Variants in CLVS1 observed in about 807,000 individuals in gnomAD.
CLVS1 encodes the protein clavesin-1.
In CLVS1, 10 loss-of-function variants were observed where a neutral mutation model predicts 33.1. The observed-to-expected ratio is 0.30, with a 90% CI of 0.19 to 0.51. The LOEUF is 0.51. Among genes scored for constraint, CLVS1 ranks in the 20% least tolerant of loss-of-function variants. CLVS1 has a pLI of 0.97. For synonymous variants in CLVS1, 163 were observed against 166.1 expected, an observed-to-expected ratio of 0.98 and a Z score of 0.14; for missense variants, 343 against 433.4, an observed-to-expected ratio of 0.79 and a Z score of 1.85.
chr8:60,967,395 A>C, the CLVS1 span, among the ~76,000 whole-genome samples: 1 of 152,334 alleles, frequency 6.6e-6, no homozygotes, highest in African/African-American at 2.4e-5. Context: ...CTGGAGAAAG[A>C]AGCTCTGCAC....
intron 3 of CLVS1, among the ~76,000 whole-genome samples, chr8:61,449,431 C>G (rs1187899996): frequency 6.6e-6 from 1 of 152,166 alleles, no homozygotes; most frequent in African/African-American, 2.4e-5. Context: ...TTCTGGCTCT[C>G]TACTTGGCCT....
At chr8:61,231,445 A>C (rs1808431440) in intron 2 of CLVS1, among the ~76,000 whole-genome samples, 1 of 152,188 alleles carries the variant, frequency 6.6e-6, no homozygotes, top group Non-Finnish European at 1.5e-5. Flanking sequence ...GTGTCAGGGT[A>C]GGTCTCTGTA....
the CLVS1 span, among the ~76,000 whole-genome samples, chr8:61,012,989 C>T: frequency 6.6e-6 from 1 of 152,156 alleles, no homozygotes; most frequent in East Asian, 1.9e-4. Context: ...TTGTCCTCTC[C>T]CTGACCTCTG....
chr8:61,339,495 G>A (rs1194732544), intron 2 of CLVS1, among the ~76,000 whole-genome samples: 1 of 152,196 alleles, frequency 6.6e-6, no homozygotes, highest in Non-Finnish European at 1.5e-5. Flanking sequence ...CTGGGCCTGT[G>A]AGCTGTCCTG....
chr8:61,344,973 T>C (rs1044689592), intron 2 of CLVS1, among the ~76,000 whole-genome samples: 3 of 152,206 alleles, frequency 2.0e-5, no homozygotes, highest in African/African-American at 7.2e-5. Context: ...TATATTTGTG[T>C]GACCTACTGT....
the CLVS1 span, among the ~76,000 whole-genome samples, chr8:60,990,494 A>G: frequency 4.6e-5 from 7 of 152,186 alleles, no homozygotes; most frequent in African/African-American, 1.7e-4. Context: ...GGGGATGGGC[A>G]AGGATCAAGA....
chr8:61,133,266 G>A (rs545162936), intron 2 of CLVS1, among the ~76,000 whole-genome samples: 2 of 152,286 alleles, frequency 1.3e-5, no homozygotes, highest in East Asian at 1.9e-4. Context: ...GGGCACAGAC[G>A]AGGGGGTCGT....
At chr8:61,359,647 T>G (rs1290259597) in intron 2 of CLVS1, among the ~76,000 whole-genome samples, 1 of 152,194 alleles carries the variant, frequency 6.6e-6, no homozygotes, top group African/African-American at 2.4e-5. Flanking sequence ...TGAGCCACCA[T>G]GCCTGGCCAG....
chr8:61,255,250 T>C (rs1809052786), intron 2 of CLVS1, among the ~76,000 whole-genome samples: 1 of 152,072 alleles, frequency 6.6e-6, no homozygotes. Context: ...TTGGGGTGAG[T>C]GCTTGAGGTG....
chr8:61,485,755 C>T (rs1803856349), intron 5 of CLVS1, among the ~76,000 whole-genome samples: 1 of 152,212 alleles, frequency 6.6e-6, no homozygotes, highest in Non-Finnish European at 1.5e-5. Context: ...CCATGGAATA[C>T]TATGCAGCCA....
At chr8:61,121,183 C>G (rs1805858893) in intron 1 of CLVS1, among the ~76,000 whole-genome samples, 1 of 152,024 alleles carries the variant, frequency 6.6e-6, no homozygotes. Flanking sequence ...AGGGAACTCC[C>G]TGACCCCTTG....
chr8:61,458,676 CA>C, intron 5 of CLVS1, 134 bp downstream of exon 5: 1 of 628,644 alleles, frequency 1.6e-6, no homozygotes, highest in East Asian at 2.8e-5. Context: ...AATGCATTCT[CA>C]GCTGATTTCA....
At chr8:61,357,501 T>TTTTTTTTTTTTTTTTTTTTTTTTTTC (rs1812781499) in intron 2 of CLVS1, among the ~76,000 whole-genome samples, 1 of 99,282 alleles carries the variant, frequency 1.0e-5, no homozygotes, top group Admixed American at 1.1e-4. Flanking sequence ...TTTCTTTTTT[T>TTTTTTTTTTTTTTTTTTTTTTTTTTC]TTTTTTTTTT....
At chr8:61,393,582 T>C (rs1814393204) in intron 3 of CLVS1, among the ~76,000 whole-genome samples, 1 of 152,174 alleles carries the variant, frequency 6.6e-6, no homozygotes, top group African/African-American at 2.4e-5. Context: ...CATATTCTTT[T>C]TTTCCCATGG....
intron 1 of CLVS1, among the ~76,000 whole-genome samples, chr8:61,294,555 T>G (rs547134172): frequency 2.0e-5 from 3 of 152,280 alleles, no homozygotes; most frequent in South Asian, 4.1e-4. Context: ...TTACCAACAT[T>G]ATTTCACAGA....
At chr8:61,307,485 G>A (rs1810671030) in intron 2 of CLVS1, among the ~76,000 whole-genome samples, 1 of 152,104 alleles carries the variant, frequency 6.6e-6, no homozygotes, top group South Asian at 2.1e-4. Context: ...TATGAGGAAG[G>A]ACCTCAGACT....
At chr8:61,195,187 A>G (rs1807577062) in intron 2 of CLVS1, among the ~76,000 whole-genome samples, 1 of 151,974 alleles carries the variant, frequency 6.6e-6, no homozygotes, top group Non-Finnish European at 1.5e-5. Flanking sequence ...AACAAGAGCA[A>G]AAATTAATAA....
At chr8:61,234,110 G>C (rs1314586269) in intron 2 of CLVS1, among the ~76,000 whole-genome samples, 3 of 152,114 alleles carry the variant, frequency 2.0e-5, no homozygotes, top group Non-Finnish European at 4.4e-5. Flanking sequence ...TAGGAGGGTA[G>C]GGGGGCCAGC....
At chr8:60,985,028 A>G in the CLVS1 span, among the ~76,000 whole-genome samples, 17 of 152,302 alleles carry the variant, frequency 1.1e-4, no homozygotes, top group African/African-American at 3.6e-4. Flanking sequence ...CCTTTGCCCA[A>G]GCGAAGTCCT....
Sources: allele counts gnomAD v4.1 joint callset (sites outside exome capture counted in the v4.1 genomes callset), GRCh38; gene constraint gnomAD v4.1.1; transcripts MANE v1.5; gene names NCBI Gene and HGNC (gene_info 2026-07-23, HGNC 2026-07-21).